The following PCDHA1 variants were observed in gnomAD, a reference collection of about 807,000 sequenced individuals.
The protein encoded by PCDHA1 is protocadherin alpha-1.
Under a neutral mutation model 61.3 loss-of-function variants are expected in PCDHA1, and 42 were observed. That is an observed-to-expected ratio of 0.69 (90% CI 0.54 to 0.89). The LOEUF (loss-of-function observed/expected upper bound fraction) is 0.89, where lower values mean the gene tolerates loss of function less well. Among genes scored for constraint, PCDHA1 ranks in the 40% least tolerant of loss-of-function variants. The pLI is 0.00. For missense variants in PCDHA1, 1,256 were observed against 1,235.3 expected (o/e 1.02, Z -0.25); for synonymous variants, 610 against 553.8 (o/e 1.10, Z -1.43).
intron 1 of PCDHA1, among the ~76,000 whole-genome samples, chr5:140,844,991 A>G (rs1435563145): frequency 2.0e-5 from 3 of 149,284 alleles, no homozygotes; most frequent in South Asian, 4.3e-4. Flanking sequence ...AAATCTTTTA[A>G]TCACTTATGA....
Position 140,896,583 on chromosome 5 carries a change from GC to G in PCDHA1, c.2395-82364del, listed in dbSNP as rs1194968470. The stretch of plus-strand genomic sequence containing the variant: ...GTAGAGATGGGGTTTTGACGTGTTG[GC>G]CAGGCTGGTCTCGAACTCCTGGTCT... On this transcript the variant is annotated intron_variant, in intron 1 of 3. Coordinates refer to ENST00000504120, the MANE Select transcript of PCDHA1 (RefSeq NM_018900.4). Among the ~76,000 whole-genome samples, 4 of 151,654 alleles carry G rather than the reference GC, an allele frequency of 2.6e-5. No individual in the cohort carries two copies. In the East Asian group the frequency reaches 7.8e-4, roughly 29 times the overall value.
chr5:140,926,757 A>T, intron 1 of PCDHA1: 1 of 1,278,278 alleles, frequency 7.8e-7, no homozygotes, highest in Non-Finnish European at 1.0e-6. Flanking sequence ...GCGGTCGCTG[A>T]GTATCCAGCC....
chr5:140,799,634 A>G lies in PCDHA1; in HGVS notation c.2394+10950A>G, dbSNP rs541358292. ...ATCTTGCTTGAAAAAGTTAATTCAA[A>G]ATATTAATTTATTTATTCATGAAAA... On this transcript the variant is annotated intron_variant, in intron 1 of 3. Coordinates refer to ENST00000504120, the MANE Select transcript of PCDHA1 (RefSeq NM_018900.4). 9.2e-5 allele frequency among the ~76,000 whole-genome samples: 14 copies of G among 152,184 alleles called. No homozygotes were observed. The East Asian group carries it at 2.5e-3, about 27-fold the overall frequency.
chr5:140,801,497 G>A (rs1202740642), intron 1 of PCDHA1: 1 of 1,614,054 alleles, frequency 6.2e-7, no homozygotes, highest in Non-Finnish European at 8.5e-7. Context: ...GGCGGAGCGC[G>A]GAGTGCAGCA....
rs2150139188 is a variant in PCDHA1, at chr5:140,825,385, TATATATCTA to T, written c.2394+36708_2394+36716del. 711 of 143,548 alleles carry T rather than the reference TATATATCTA, an allele frequency of 5.0e-3. 7 individuals are homozygous for T. Among genetic ancestry groups the T allele is most frequent in the African/African-American group, 0.018 (686 of 38,434 alleles). The allele number at this position is 143,548 out of a possible 1,614,324, so 8.9% of individuals were successfully genotyped here. Reference sequence around the variant, plus strand: ...ATATATAAATATCTAAAATATCTAATATATATCTAATATATTATATATTTTATATAATAT... The same window carrying T: ...ATATATAAATATCTAAAATATCTAATATATATTATATATTTTATATAATAT... On this transcript the variant is annotated intron_variant, in intron 1 of 3. Coordinates refer to ENST00000504120, the MANE Select transcript of PCDHA1 (RefSeq NM_018900.4).
chr5:140,964,930 G>A (rs1480159584), intron 1 of PCDHA1, among the ~76,000 whole-genome samples: 12 of 152,306 alleles, frequency 7.9e-5, no homozygotes, highest in Middle Eastern at 3.4e-3. Flanking sequence ...CTAGGTAGTG[G>A]AGCATTGATA....
intron 3 of PCDHA1, among the ~76,000 whole-genome samples, chr5:140,987,154 C>T (rs1404083891): frequency 6.6e-6 from 1 of 150,704 alleles, no homozygotes; most frequent in Non-Finnish European, 1.5e-5. Flanking sequence ...GTGGAGGTTG[C>T]AGTGAGCTGA....
intron 3 of PCDHA1, among the ~76,000 whole-genome samples, chr5:140,986,469 T>G (rs2097202307): frequency 6.6e-6 from 1 of 152,214 alleles, no homozygotes; most frequent in Non-Finnish European, 1.5e-5. Context: ...TGCCCTCTTG[T>G]GATCAGTTCC....
chr5:140,842,127 C>A (rs2150329918), intron 1 of PCDHA1: 3 of 1,613,572 alleles, frequency 1.9e-6, no homozygotes, highest in African/African-American at 1.3e-5. Context: ...GCTTCTGATC[C>A]GGATGAAGGA....
At position 140,851,623 on chromosome 5, in the gene PCDHA1, TA is replaced by T. The variant is rs1286415417; in HGVS notation, c.2394+62942del. 3.6e-5 allele frequency: 33 copies of T among 920,270 alleles called. 3 individuals carry two copies. Among genetic ancestry groups the T allele is most frequent in the Non-Finnish European group, 3.8e-5 (29 of 756,686 alleles). The allele number at this position is 920,270 out of a possible 1,614,324, so 57.0% of individuals were successfully genotyped here. On this transcript the variant is annotated intron_variant, in intron 1 of 3. Transcript: ENST00000504120. ...TACAGAAATTGGAGAAAATGCTTTT[TA>T]AACAAGTGTTTCCTTTCTTCAAGAA... is the stretch of plus-strand genomic sequence containing the variant.
At chr5:140,973,782 C>CT (rs1461331270) in intron 1 of PCDHA1, among the ~76,000 whole-genome samples, 7 of 152,208 alleles carry the variant, frequency 4.6e-5, no homozygotes, top group African/African-American at 1.7e-4. Flanking sequence ...TATAGGTTGC[C>CT]TATTGGCATG....
intron 1 of PCDHA1, chr5:140,869,328 G>C: frequency 1.2e-6 from 2 of 1,613,960 alleles, no homozygotes; most frequent in Non-Finnish European, 1.7e-6. Flanking sequence ...GGGACCTTCT[G>C]GAGGTAAATC....
intron 1 of PCDHA1, chr5:140,842,691 A>C: frequency 1.9e-6 from 3 of 1,595,350 alleles, no homozygotes; most frequent in Non-Finnish European, 2.6e-6. Flanking sequence ...GCGTTCGCGC[A>C]GCCCGAGTAC....
chr5:140,830,469 A>G, intron 1 of PCDHA1: 1 of 1,570,730 alleles, frequency 6.4e-7, no homozygotes, highest in Non-Finnish European at 8.7e-7. Flanking sequence ...GATTTAAATG[A>G]AGATCATGAT....
At chr5:140,852,947 T>C in intron 1 of PCDHA1, 2 of 520,496 alleles carry the variant, frequency 3.8e-6, no homozygotes, top group Non-Finnish European at 2.5e-6. Flanking sequence ...GGTGCCATCT[T>C]GGCTCACTCC....
intron 1 of PCDHA1, chr5:140,829,510 C>T (rs2150169186): frequency 6.2e-7 from 1 of 1,613,546 alleles, no homozygotes; most frequent in Admixed American, 1.7e-5. Context: ...CGGGCTGCCA[C>T]ATCTTCACGG....
At chr5:140,866,196 T>C (rs1176237600) in intron 1 of PCDHA1, 3 of 152,160 alleles carry the variant, frequency 2.0e-5, no homozygotes, top group African/African-American at 7.2e-5. Context: ...AACTGTGGTT[T>C]CCAATATCCT....
rs141978908 is a variant in PCDHA1 at position 140,828,437 on chromosome 5, G to T, written c.2394+39753G>T. ...GGTGATCGTGGACAGGCCGCTGCAG[G>T]TTTTCCATGTGGACGTGGAGGTGAG... On this transcript the variant is annotated intron_variant, in intron 1 of 3. Coordinates refer to ENST00000504120, the MANE Select transcript of PCDHA1 (RefSeq NM_018900.4). 7.8e-5 allele frequency: 126 copies of T among 1,614,152 alleles called. No individual in the cohort carries two copies. Among genetic ancestry groups the T allele is most frequent in the Non-Finnish European group, 9.9e-5 (117 of 1,180,064 alleles).
Position 140,876,248 on chromosome 5 carries a change from CAA to C in PCDHA1, c.2394+87565_2394+87566del, listed in dbSNP as rs782415667. On this transcript the variant is annotated intron_variant, in intron 1 of 3. Transcript: ENST00000504120. ...TTGTCTGAAAATGTCCAAAACGACA[CAA>C]GAGTGATCCAACTAAATGCTTCCGA... 1.9e-6 allele frequency: 3 copies of C among 1,613,868 alleles called. No homozygotes were observed. In the East Asian group the frequency reaches 6.7e-5, roughly 36 times the overall value.
Sources: gnomAD v4.1 joint callset for allele counts (sites outside exome capture counted in the v4.1 genomes callset) on GRCh38, gnomAD v4.1.1 for gene constraint, MANE v1.5 for transcripts, NCBI Gene and HGNC (gene_info 2026-07-23, HGNC 2026-07-21) for gene names.